The following ME3 variants were observed in gnomAD, a reference collection of about 807,000 sequenced individuals.
The protein encoded by ME3 is malic enzyme 3.
In ME3, 48 loss-of-function variants were observed where a neutral mutation model predicts 68.9. That is an observed-to-expected ratio of 0.70 (90% CI 0.55 to 0.89). ME3 has a LOEUF of 0.89. Among genes scored for constraint, ME3 ranks in the 40% least tolerant of loss-of-function variants. ME3 has a pLI of 0.00. For missense variants in ME3, 675 were observed against 797.4 expected (o/e 0.85, Z 1.85); for synonymous variants, 320 against 318.8 (o/e 1.00, Z -0.04).
At chr11:86,444,402 G>A (rs1040601383) in intron 13 of ME3, among the ~76,000 whole-genome samples, 1 of 152,166 alleles carries the variant, frequency 6.6e-6, no homozygotes, top group African/African-American at 2.4e-5. Context: ...TATCCTGTAT[G>A]CACCAAGGAG....
chr11:86,641,357 G>T (rs900352726), intron 2 of ME3, among the ~76,000 whole-genome samples: 117 of 152,332 alleles, frequency 7.7e-4, no homozygotes, highest in African/African-American at 2.5e-3. Flanking sequence ...CTCTGAGTGG[G>T]TTGATGGGAA....
At chr11:86,636,687 T>C (rs1225577153) in intron 2 of ME3, among the ~76,000 whole-genome samples, 2 of 152,258 alleles carry the variant, frequency 1.3e-5, no homozygotes, top group Non-Finnish European at 2.9e-5. Context: ...GCATTTGTAC[T>C]CTGGCTTTTC....
intron 7 of ME3, among the ~76,000 whole-genome samples, chr11:86,475,908 AAG>A (rs1277347481): frequency 5.5e-5 from 7 of 126,772 alleles, no homozygotes; most frequent in African/African-American, 1.2e-4. Context: ...GAGAAAGAGA[AAG>A]AGAGAGAGAG....
intron 4 of ME3, among the ~76,000 whole-genome samples, chr11:86,550,070 T>G (rs2139407302): frequency 6.6e-6 from 1 of 152,276 alleles, no homozygotes; most frequent in East Asian, 1.9e-4. Context: ...TAGAGTCCTC[T>G]GAAGAGCTTC....
At chr11:86,657,671 G>C (rs917386720) in intron 2 of ME3, among the ~76,000 whole-genome samples, 1 of 152,054 alleles carries the variant, frequency 6.6e-6, no homozygotes, top group Non-Finnish European at 1.5e-5. Context: ...GCTTGCTATG[G>C]TATTAACTTG....
intron 8 of ME3, chr11:86,457,700 G>A (rs758735726): frequency 3.3e-5 from 42 of 1,288,710 alleles, no homozygotes; most frequent in Non-Finnish European, 4.2e-5. Flanking sequence ...CCAGGGATGT[G>A]CTGGAACATG....
intron 2 of ME3, among the ~76,000 whole-genome samples, chr11:86,597,454 C>A (rs2139701285): frequency 6.6e-6 from 1 of 152,302 alleles, no homozygotes; most frequent in South Asian, 2.1e-4. Context: ...GAAACCATGA[C>A]AACCACACAT....
intron 6 of ME3, among the ~76,000 whole-genome samples, chr11:86,493,667 T>TAATC (rs1320846521): frequency 6.6e-6 from 1 of 152,232 alleles, no homozygotes; most frequent in African/African-American, 2.4e-5. Flanking sequence ...ACTTGGAACT[T>TAATC]AATCATGGGA....
intron 2 of ME3, among the ~76,000 whole-genome samples, chr11:86,659,975 G>T (rs1295365866): frequency 1.3e-5 from 2 of 152,096 alleles, no homozygotes; most frequent in African/African-American, 4.8e-5. Flanking sequence ...AAAATCCTGA[G>T]ACTACTGATG....
At chr11:86,530,480 C>G (rs534557764) in intron 4 of ME3, among the ~76,000 whole-genome samples, 8 of 152,274 alleles carry the variant, frequency 5.3e-5, no homozygotes, top group African/African-American at 9.6e-5. Flanking sequence ...ACTTTCTTCA[C>G]AGAATTGGAA....
intron 2 of ME3, among the ~76,000 whole-genome samples, chr11:86,633,321 C>T (rs576801240): frequency 1.3e-5 from 2 of 152,298 alleles, no homozygotes; most frequent in South Asian, 4.1e-4. Context: ...TCTCATACAG[C>T]CACATGAGGG....
chr11:86,482,619 A>T (rs1347377083), intron 7 of ME3, among the ~76,000 whole-genome samples: 1 of 150,392 alleles, frequency 6.6e-6, no homozygotes, highest in South Asian at 2.1e-4. Flanking sequence ...CAACCAGTAT[A>T]ATGTGGTGGA....
intron 2 of ME3, among the ~76,000 whole-genome samples, chr11:86,593,190 C>CTATAAGAAGCAAACTGACAATCAGATCG (rs1260644411): frequency 2.5e-5 from 3 of 118,408 alleles, no homozygotes; most frequent in East Asian, 9.7e-4. Flanking sequence ...TGATTTCCTC[C>CTATAAGAAGCAAACTGACAATCAGATCG]ACCCTCCTTC....
chr11:86,545,312 T>C (rs1956297414), intron 4 of ME3, among the ~76,000 whole-genome samples: 1 of 152,226 alleles, frequency 6.6e-6, no homozygotes, highest in Non-Finnish European at 1.5e-5. Context: ...TTGGAAGTTC[T>C]GGCCAGGGCA....
chr11:86,669,455 A>G (rs940473454), intron 2 of ME3, among the ~76,000 whole-genome samples: 2 of 152,224 alleles, frequency 1.3e-5, no homozygotes, highest in African/African-American at 4.8e-5. Context: ...ACATGGCTGG[A>G]AAGGTCTCAA....
intron 4 of ME3, among the ~76,000 whole-genome samples, chr11:86,546,873 T>C (rs1468585664): frequency 1.3e-5 from 2 of 152,162 alleles, no homozygotes; most frequent in Non-Finnish European, 2.9e-5. Flanking sequence ...ACACGTATGT[T>C]TACTGCAGCA....
intron 2 of ME3, among the ~76,000 whole-genome samples, chr11:86,587,471 C>T (rs943171143): frequency 6.6e-6 from 1 of 152,136 alleles, no homozygotes; most frequent in African/African-American, 2.4e-5. Context: ...TTCCTCATGC[C>T]CCACCGTGCT....
intron 2 of ME3, among the ~76,000 whole-genome samples, chr11:86,656,737 T>G (rs1409354001): frequency 1.3e-5 from 2 of 151,938 alleles, no homozygotes; most frequent in South Asian, 2.1e-4. Context: ...ACCCTAAAAC[T>G]TAAAGTATAA....
At chr11:86,614,283 G>A (rs112163492) in intron 2 of ME3, among the ~76,000 whole-genome samples, 124 of 152,318 alleles carry the variant, frequency 8.1e-4, no homozygotes, top group African/African-American at 2.8e-3. Flanking sequence ...TGATTCCAAA[G>A]ACTATTACAA....
Sources: gnomAD v4.1 joint callset for allele counts (sites outside exome capture counted in the v4.1 genomes callset) on GRCh38, gnomAD v4.1.1 for gene constraint, MANE v1.5 for transcripts, NCBI Gene and HGNC (gene_info 2026-07-23, HGNC 2026-07-21) for gene names.